CPT1C: variants seen among roughly 807,000 people sequenced by gnomAD.
CPT1C encodes the protein carnitine palmitoyltransferase 1C, also known as palmitoyl thioesterase CPT1C.
Under a neutral mutation model 97.3 loss-of-function variants are expected in CPT1C, and 61 were observed. That is an observed-to-expected ratio of 0.63 (90% CI 0.51 to 0.78). CPT1C has a LOEUF of 0.78. Ranked by LOEUF, CPT1C falls within the 30% of genes least tolerant of loss-of-function variation. The pLI is 0.00. For synonymous variants in CPT1C, 469 were observed against 447.2 expected (o/e 1.05, Z -0.61); for missense variants, 975 against 1,065.5 (o/e 0.92, Z 1.18).
intron 7 of CPT1C, among the ~76,000 whole-genome samples, chr19:49,702,512 C>T (rs62128129): frequency 0.12 from 18,654 of 151,124 alleles, 1,384 homozygotes; most frequent in Non-Finnish European, 0.17. Context: ...CCCAGCTACT[C>T]GGGAGGCTGA....
Position 49,701,314 on chromosome 19 carries a change from C to T in CPT1C, c.454-3C>T. On this transcript the variant is annotated splice_region_variant and splice_polypyrimidine_tract_variant and intron_variant, in intron 5 of 19. Transcript: ENST00000598293. Reference sequence around the variant, plus strand: ...TAATGACCCGGTAACTCCTCCTCCCCAGGCCCTGGTCCGCATCTTCTCTGG... The same window carrying T: ...TAATGACCCGGTAACTCCTCCTCCCTAGGCCCTGGTCCGCATCTTCTCTGG... 6.2e-7 allele frequency: 1 copy of T among 1,611,176 alleles called. No individual in the cohort carries two copies. The highest frequency in any genetic ancestry group is 8.5e-7 in the Non-Finnish European group (1 of 1,178,988).
intron 14 of CPT1C, among the ~76,000 whole-genome samples, chr19:49,709,348 C>T (rs1208544420): frequency 6.6e-6 from 1 of 151,840 alleles, no homozygotes; most frequent in Non-Finnish European, 1.5e-5. Context: ...ACCCCATACC[C>T]CACACCAACC....
At chr19:49,701,261 C>G (rs182415106) in intron 5 of CPT1C, 56 bp from the exon 6 acceptor site, 4 of 1,484,068 alleles carry the variant, frequency 2.7e-6, no homozygotes, top group Non-Finnish European at 3.7e-6. Flanking sequence ...ACCCCTGCCC[C>G]GTCAACTCCC....
rs772980944 is a variant in CPT1C, at chr19:49,700,851, G to A, written c.449G>A (p.Trp150Ter). The change falls in exon 5 of 20, where the codon TGG (tryptophan) becomes TAG (stop). Residue 150 changes from tryptophan to a stop codon, truncating the protein, a stop_gained. Coordinates refer to ENST00000598293, the MANE Select transcript of CPT1C (RefSeq NM_001199753.2). LOFTEE classifies it high-confidence loss of function. Reference protein sequence around the residue: ...HGAMSSPTKTWLALVRIFSGR... With the variant: ...HGAMSSPTKT ...GCCATGTCCTCCCCCACCAAGACCT[G>A]GCTGGTATGGGAGGGGCATAGCCCT... is the stretch of plus-strand genomic sequence containing the variant. 12 of 1,611,912 alleles carry A rather than the reference G, an allele frequency of 7.4e-6. No homozygotes were observed. Among genetic ancestry groups the A allele is most frequent in the African/African-American group, 1.3e-5 (1 of 74,924 alleles).
At chr19:49,705,571 G>A (rs1003865791) in intron 10 of CPT1C, among the ~76,000 whole-genome samples, 2 of 152,120 alleles carry the variant, frequency 1.3e-5, no homozygotes, top group Non-Finnish European at 2.9e-5. Flanking sequence ...CCAGCCTAGG[G>A]CAACGTAGTG....
At chr19:49,697,595 A>C in intron 4 of CPT1C, 130 bp downstream of exon 4, 2 of 1,122,720 alleles carry the variant, frequency 1.8e-6, no homozygotes, top group East Asian at 4.9e-5. Context: ...AGATTAATAA[A>C]GGCATGGCAT....
intron 14 of CPT1C, among the ~76,000 whole-genome samples, chr19:49,709,109 A>G (rs752562268): frequency 6.6e-6 from 1 of 150,624 alleles, no homozygotes; most frequent in Non-Finnish European, 1.5e-5. Flanking sequence ...TTCAGACTCA[A>G]AAACCACCAC....
intron 3 of CPT1C, among the ~76,000 whole-genome samples, chr19:49,695,445 G>A (rs1021044475): frequency 6.6e-6 from 1 of 151,530 alleles, no homozygotes; most frequent in Non-Finnish European, 1.5e-5. Context: ...CACCAGGCCC[G>A]GCTAATTTTT....
At position 49,706,246 on chromosome 19, in the gene CPT1C, G is replaced by T. The variant is rs2083492694; in HGVS notation, c.1176G>T (p.Gln392His). ...LTAAPRGTWA[Q>H]VRTSLKTQAA... The stretch of plus-strand genomic sequence containing the variant: ...GGCCCTCCAGGGGCACGTGGGCCCA[G>T]GTGCGGACATCCCTGAAGACCCAGG... The change falls in exon 12 of 20, where the codon CAG becomes CAT. Residue 392 changes from glutamine (Q) to histidine (H), a missense_variant. Gln to His is a conservative substitution (Grantham distance 24). This residue lies in a region of CPT1C where 596 missense variants were observed against 603.1 expected (regional missense o/e 0.99). Transcript: ENST00000598293. The surrounding 1 kb of genome is among the most constrained non-coding windows in gnomAD (Gnocchi z 4.8). 6.5e-7 allele frequency: 1 copy of T among 1,538,896 alleles called. No individual in the cohort carries two copies. Among genetic ancestry groups the T allele is most frequent in the Non-Finnish European group, 8.7e-7 (1 of 1,145,288 alleles).
intron 7 of CPT1C, 79 bp from the exon 8 acceptor site, chr19:49,704,631 C>T (rs776554953): frequency 1.8e-6 from 2 of 1,118,514 alleles, no homozygotes; most frequent in Non-Finnish European, 2.7e-6. Context: ...GCAGGAGCAT[C>T]TGGGGCCTTC....
chr19:49,708,681 C>A, intron 13 of CPT1C, 42 bp from the exon 14 acceptor site: 2 of 1,463,874 alleles, frequency 1.4e-6, no homozygotes, highest in Non-Finnish European at 1.9e-6. Context: ...GGCCTCAGTC[C>A]ACAGGGAGGA....
chr19:49,694,095 T>A lies in CPT1C; in HGVS notation c.141+1702T>A, dbSNP rs543605998. On this transcript the variant is annotated intron_variant, in intron 3 of 19. Transcript: ENST00000598293. ...AAAATAAAATAAAATAAAAAATAAATAAATAAATAAATAAATAAATAAATA... is the reference window on the plus strand; with the variant it reads ...AAAATAAAATAAAATAAAAAATAAAAAAATAAATAAATAAATAAATAAATA... 4.7e-3 allele frequency among the ~76,000 whole-genome samples: 432 copies of A among 91,890 alleles called. 1 individual carries two copies. Among genetic ancestry groups the A allele is most frequent in the Admixed American group, 8.1e-3 (76 of 9,348 alleles). The allele number at this position is 91,890 out of a possible 152,430, so 60.3% of individuals were successfully genotyped here.
intron 4 of CPT1C, among the ~76,000 whole-genome samples, chr19:49,699,445 G>A (rs1378741852): frequency 1.1e-5 from 1 of 87,616 alleles, no homozygotes; most frequent in East Asian, 3.9e-4. Context: ...GCAACATAGA[G>A]ACCCCTGTCT....
Position 49,713,052 on chromosome 19 carries a change from A to T in CPT1C, c.2214A>T (p.Ser738=), listed in dbSNP as rs776395180. The change falls in exon 19 of 20, where the codon TCA becomes TCT. Residue 738 remains serine (S), a synonymous_variant. Coordinates refer to ENST00000598293, the MANE Select transcript of CPT1C (RefSeq NM_001199753.2). ...CCTTCCACATCTCCAGCAAAAAATC[A>T]AGCACAAAAACGGTGAGACAAACGT... The part of the protein sequence containing the change: ...MITFHISSKK[S]STKTDSHRLG... The T allele has an allele frequency of 1.2e-6, 2 of 1,613,722 alleles. No homozygotes were observed. The highest frequency in any genetic ancestry group is 8.5e-7 in the Non-Finnish European group (1 of 1,179,776).
At position 49,713,599 on chromosome 19, in the gene CPT1C, C is replaced by T; in HGVS notation, c.2406C>T (p.Asp802=). The T allele has an allele frequency of 1.9e-6, 3 of 1,606,704 alleles. No individual in the cohort carries two copies. The highest frequency in any genetic ancestry group is 2.5e-6 in the Non-Finnish European group (3 of 1,176,692). Reference sequence around the variant, plus strand: ...CCAAGGCCTCAATGACATCCACCGACTTCTGACTCCTTCCAGCAGGCAGCT... The same window carrying T: ...CCAAGGCCTCAATGACATCCACCGATTTCTGACTCCTTCCAGCAGGCAGCT... ...GASKASMTST[D]F is the part of the protein sequence containing the mutation. The change falls in exon 20 of 20, where the codon GAC becomes GAT. Residue 802 remains aspartate, a synonymous_variant. Coordinates refer to ENST00000598293, the MANE Select transcript of CPT1C (RefSeq NM_001199753.2).
At chr19:49,702,085 A>ATG (rs2083176699) in intron 7 of CPT1C, among the ~76,000 whole-genome samples, 7 of 97,984 alleles carry the variant, frequency 7.1e-5, no homozygotes, top group African/African-American at 2.2e-4. Flanking sequence ...TTATAAATAT[A>ATG]TATTTATTTA....
At chr19:49,712,422 A>C (rs1395289677) in intron 17 of CPT1C, 1 of 386,678 alleles carries the variant, frequency 2.6e-6, no homozygotes, top group East Asian at 5.6e-5. Flanking sequence ...GCGGCAAGGC[A>C]GAAGGCGGAG....
In CPT1C at chr19:49,701,509, G is replaced by A; in HGVS notation, c.568G>A (p.Val190Ile). 1.2e-6 allele frequency: 2 copies of A among 1,609,052 alleles called. No individual in the cohort carries two copies. The highest frequency in any genetic ancestry group is 1.7e-6 in the Non-Finnish European group (2 of 1,176,582). The stretch of plus-strand genomic sequence containing the variant: ...TTCTCCCCTTTAGTACCTGGAGTCG[G>A]TCCGGCCCATCCTCTCCGACGAGGA... Reference protein sequence around the residue: ...QDTVRKYLESVRPILSDEDFD... With the variant: ...QDTVRKYLESIRPILSDEDFD... Residue 190 changes from valine (V) to isoleucine (I), a missense_variant, in exon 7 of 20, where the codon GTC (valine) becomes ATC (isoleucine). Around this residue, in one of 3 missense-constraint regions of CPT1C, gnomAD observed 596 missense variants for 603.1 expected, o/e 0.99. Coordinates refer to ENST00000598293, the MANE Select transcript of CPT1C (RefSeq NM_001199753.2).
Position 49,712,812 on chromosome 19 carries a change from A to T in CPT1C, c.2096A>T (p.Tyr699Phe), listed in dbSNP as rs560400924. 2 of 1,613,668 alleles carry T rather than the reference A, an allele frequency of 1.2e-6. No homozygotes were observed. The highest frequency in any genetic ancestry group is 2.2e-5 in the East Asian group (1 of 44,852). The change falls in exon 18 of 20, where the codon TAC (tyrosine) becomes TTC (phenylalanine). Residue 699 changes from tyrosine (Y) to phenylalanine (F), a missense_variant. Around this residue, in one of 3 missense-constraint regions of CPT1C, gnomAD observed 344 missense variants for 395.7 expected, o/e 0.87. Coordinates refer to ENST00000598293, the MANE Select transcript of CPT1C (RefSeq NM_001199753.2). ...QQMHLFDVHN[Y>F]PDYVSSGGGF... Reference sequence around the variant, plus strand: ...ATGCATCTGTTTGACGTCCACAATTACCCGGACTATGTTTCCTCAGGCGGT... The same window carrying T: ...ATGCATCTGTTTGACGTCCACAATTTCCCGGACTATGTTTCCTCAGGCGGT...
Sources: gnomAD v4.1 joint callset for allele counts (sites outside exome capture counted in the v4.1 genomes callset) on GRCh38, gnomAD v4.1.1 for gene constraint, gnomAD v4.1.1 regional missense constraint, Gnocchi (gnomAD v3.1) non-coding constraint, MANE v1.5 for transcripts, NCBI Gene and HGNC (gene_info 2026-07-23, HGNC 2026-07-21) for gene names.